COQ10B: variants seen among roughly 807,000 people sequenced by gnomAD.
The protein encoded by COQ10B is coenzyme Q10B.
Under a neutral mutation model 27.6 loss-of-function variants are expected in COQ10B, and 12 were observed. That is an observed-to-expected ratio of 0.43 (90% CI 0.28 to 0.70). COQ10B has a LOEUF of 0.70. Ranked by LOEUF, COQ10B falls within the 30% of genes least tolerant of loss-of-function variation. COQ10B has a pLI of 0.17. For synonymous variants in COQ10B, 115 were observed against 103.0 expected (o/e 1.12, Z -0.71); for missense variants, 278 against 288.7 (o/e 0.96, Z 0.27).
At chr2:197,463,290 G>A (rs1458899806) in intron 3 of COQ10B, among the ~76,000 whole-genome samples, 1 of 120,054 alleles carries the variant, frequency 8.3e-6, no homozygotes, top group Non-Finnish European at 1.9e-5. Flanking sequence ...TGACCAACAT[G>A]GTGAAACCCC....
At chr2:197,462,773 A>G (rs1553573855) in intron 3 of COQ10B, 42 bp downstream of exon 3, 18 of 1,203,736 alleles carry the variant, frequency 1.5e-5, no homozygotes. Context: ...ATTCTTCCAT[A>G]TATTAACTTT....
chr2:197,456,535 T>C (rs185192838), intron 1 of COQ10B, among the ~76,000 whole-genome samples: 2,336 of 149,140 alleles, frequency 0.016, 27 homozygotes, highest in Non-Finnish European at 0.022. Flanking sequence ...GAGGCTGAGG[T>C]GGGCGGATCA....
intron 3 of COQ10B, among the ~76,000 whole-genome samples, chr2:197,463,149 AAATT>A (rs2085779688): frequency 6.6e-6 from 1 of 152,190 alleles, no homozygotes; most frequent in Admixed American, 6.5e-5. Context: ...GGAAGGAAAA[AAATT>A]AAAGTGGTGA....
intron 1 of COQ10B, 91 bp from the exon 2 acceptor site, chr2:197,459,841 C>T: frequency 1.1e-6 from 1 of 933,948 alleles, no homozygotes; most frequent in South Asian, 2.2e-5. Flanking sequence ...CAAAGCCTTA[C>T]AAAGTGGATA....
chr2:197,470,535 G>GGATC (rs1165256718), intron 4 of COQ10B, among the ~76,000 whole-genome samples: 5 of 152,152 alleles, frequency 3.3e-5, no homozygotes, highest in African/African-American at 1.2e-4. Flanking sequence ...TGAGTCAGGT[G>GGATC]GATCACTTGA....
chr2:197,460,226 T>TC (rs2085742626), intron 2 of COQ10B, 145 bp downstream of exon 2: 2 of 507,760 alleles, frequency 3.9e-6, no homozygotes, highest in African/African-American at 4.1e-5. Context: ...TTTTTTTTTT[T>TC]CTTTTGAGAT....
chr2:197,465,138 G>C (rs1339251288), intron 3 of COQ10B, among the ~76,000 whole-genome samples: 1 of 152,090 alleles, frequency 6.6e-6, no homozygotes, highest in Non-Finnish European at 1.5e-5. Flanking sequence ...GCCTGCCTCA[G>C]CCTCCCAAAG....
chr2:197,468,399 C>T (rs892488915), intron 3 of COQ10B, among the ~76,000 whole-genome samples: 1 of 144,560 alleles, frequency 6.9e-6, no homozygotes, highest in East Asian at 2.0e-4. Context: ...GTCGAGATCG[C>T]GCCACTGCAC....
At chr2:197,458,446 C>G (rs1476922968) in intron 1 of COQ10B, among the ~76,000 whole-genome samples, 2 of 152,074 alleles carry the variant, frequency 1.3e-5, no homozygotes, top group African/African-American at 4.8e-5. Context: ...TCCCTCTTCC[C>G]TGCATCTCTT....
At chr2:197,471,474 T>C (rs756147538) in intron 4 of COQ10B, among the ~76,000 whole-genome samples, 21 of 152,322 alleles carry the variant, frequency 1.4e-4, no homozygotes, top group Non-Finnish European at 2.4e-4. Context: ...ATCGTAGTTA[T>C]AGAAAACTTA....
At chr2:197,461,467 G>A (rs1238906497) in intron 2 of COQ10B, among the ~76,000 whole-genome samples, 2 of 152,022 alleles carry the variant, frequency 1.3e-5, no homozygotes, top group Non-Finnish European at 2.9e-5. Context: ...ACAGCACCAC[G>A]TAAAAAGAGT....
intron 1 of COQ10B, among the ~76,000 whole-genome samples, chr2:197,456,155 A>G (rs1157506245): frequency 6.6e-6 from 1 of 152,136 alleles, no homozygotes; most frequent in Non-Finnish European, 1.5e-5. Flanking sequence ...GTCCTCTCTC[A>G]TATGTGGAAG....
intron 1 of COQ10B, among the ~76,000 whole-genome samples, chr2:197,456,008 G>A (rs1344668792): frequency 6.6e-6 from 1 of 151,996 alleles, no homozygotes; most frequent in Non-Finnish European, 1.5e-5. Context: ...AAAATGTGGT[G>A]TATATATTAA....
At chr2:197,467,968 G>T (rs2085842506) in intron 3 of COQ10B, among the ~76,000 whole-genome samples, 1 of 152,166 alleles carries the variant, frequency 6.6e-6, no homozygotes, top group Non-Finnish European at 1.5e-5. Context: ...GTCTAAATCA[G>T]TTCACTCAGA....
chr2:197,459,748 G>GTT (rs576394326), intron 1 of COQ10B, among the ~76,000 whole-genome samples, 184 bp from the exon 2 acceptor site: 4 of 141,578 alleles, frequency 2.8e-5, no homozygotes, highest in Non-Finnish European at 4.7e-5. Context: ...TGTTATTTTT[G>GTT]TTTTTTTTTT....
intron 4 of COQ10B, among the ~76,000 whole-genome samples, chr2:197,472,029 C>T (rs1213655799): frequency 6.6e-6 from 1 of 150,956 alleles, no homozygotes; most frequent in African/African-American, 2.4e-5. Context: ...GTAGTAACTC[C>T]CTCTGTTAAT....
At chr2:197,457,661 G>T (rs917488177) in intron 1 of COQ10B, among the ~76,000 whole-genome samples, 5 of 146,784 alleles carry the variant, frequency 3.4e-5, no homozygotes, top group Non-Finnish European at 6.0e-5. Flanking sequence ...TTGCTCTGTT[G>T]CCCAGGCTGG....
At chr2:197,462,249 A>G (rs2085768582) in intron 2 of COQ10B, among the ~76,000 whole-genome samples, 1 of 151,408 alleles carries the variant, frequency 6.6e-6, no homozygotes, top group Non-Finnish European at 1.5e-5. Context: ...AGCCTGGGTA[A>G]CAGAATGAGA....
Position 197,473,928 on chromosome 2 carries a change from C to CA in COQ10B, c.*10dup. 1.4e-6 allele frequency: 2 copies of CA among 1,471,620 alleles called. No homozygotes were observed. Among genetic ancestry groups the CA allele is most frequent in the South Asian group, 1.5e-5 (1 of 68,408 alleles). 91.2% of individuals were successfully genotyped at this position (1,471,620 alleles called of 1,614,324 possible). On this transcript the variant is annotated 3_prime_UTR_variant, in exon 5 of 5. Coordinates refer to ENST00000263960, the MANE Select transcript of COQ10B (RefSeq NM_025147.5). ...TCATGAAGTCCATCACACATAAAGG[C>CA]AAAAAAGAACTGGTGCCACCTGCTT...
Sources: allele counts gnomAD v4.1 joint callset (sites outside exome capture counted in the v4.1 genomes callset), GRCh38; gene constraint gnomAD v4.1.1; transcripts MANE v1.5; gene names NCBI Gene and HGNC (gene_info 2026-07-23, HGNC 2026-07-21).